Variants in ANP32A observed in about 807,000 individuals in gnomAD.
The protein encoded by ANP32A is acidic leucine-rich nuclear phosphoprotein 32 family member A.
Under a neutral mutation model 33.9 loss-of-function variants are expected in ANP32A, and 1 was observed. The ratio of observed to expected loss-of-function variants is 0.03; its 90% confidence interval spans 0.01 to 0.14. The LOEUF is 0.14. Among genes scored for constraint, ANP32A ranks in the 10% least tolerant of loss-of-function variants. ANP32A has a pLI of 1.00. For synonymous variants in ANP32A, 115 were observed against 120.5 expected, an observed-to-expected ratio of 0.95 and a Z score of 0.30; for missense variants, 155 against 306.0, an observed-to-expected ratio of 0.51 and a Z score of 3.68.
chr15:68,780,311 G>C lies in ANP32A; in HGVS notation c.688+99C>G. The C allele has an allele frequency of 6.3e-7, 1 of 1,590,310 alleles. No homozygotes were observed. The highest frequency in any genetic ancestry group is 8.6e-7 in the Non-Finnish European group (1 of 1,168,964). ...GGGGAATCTGAGGCCTCTGACAGGA[G>C]TGTCCTGCCCACTGCCAGGGGCCTC... On this transcript the variant is annotated intron_variant, in intron 6 of 6. Coordinates refer to ENST00000465139, the MANE Select transcript of ANP32A (RefSeq NM_006305.4). This position sits in a 1 kb window ranked among gnomAD's most constrained non-coding sequence, Gnocchi z 4.3.
At position 68,820,842 on chromosome 15, in the gene ANP32A, A is replaced by C. The variant is rs1251885151; in HGVS notation, c.-91T>G. 1 of 1,479,192 alleles carries C rather than the reference A, an allele frequency of 6.8e-7. No homozygotes were observed. The highest frequency in any genetic ancestry group is 9.4e-7 in the Non-Finnish European group (1 of 1,066,118). The allele number at this position is 1,479,192 out of a possible 1,614,324, so 91.6% of individuals were successfully genotyped here. A position where few individuals can be genotyped will look rare whatever the true frequency, so the allele number is the denominator to read the frequency against. On this transcript the variant is annotated 5_prime_UTR_variant, in exon 1 of 7. Coordinates refer to ENST00000465139, the MANE Select transcript of ANP32A (RefSeq NM_006305.4). Reference sequence around the variant, plus strand: ...ACGGCCGCGCGTTTTAGGACTTTGAAGGCTCAACCAGCTCCGCTCGGTTCT... The same window carrying C: ...ACGGCCGCGCGTTTTAGGACTTTGACGGCTCAACCAGCTCCGCTCGGTTCT...
At chr15:68,792,881 C>T (rs1012839397) in intron 1 of ANP32A, among the ~76,000 whole-genome samples, 2 of 152,164 alleles carry the variant, frequency 1.3e-5, no homozygotes, top group African/African-American at 4.8e-5. Flanking sequence ...AGAGTAAACT[C>T]CAGCCTGGAA....
In ANP32A at chr15:68,787,815, G is replaced by C; in HGVS notation, c.159C>G (p.Gly53=). 6.2e-7 allele frequency: 1 copy of C among 1,614,164 alleles called. No individual in the cohort carries two copies. Among genetic ancestry groups the C allele is most frequent in the Non-Finnish European group, 8.5e-7 (1 of 1,180,032 alleles). ...TTGGTAAGTTTGCGATTGAGGTGAGGCCTACGTTGATTGTACTTAAGAATT... is the reference window on the plus strand; with the variant it reads ...TTGGTAAGTTTGCGATTGAGGTGAGCCCTACGTTGATTGTACTTAAGAATT... ...ELEFLSTINV[G]LTSIANLPKL... Residue 53 remains glycine, a synonymous_variant, in exon 2 of 7, where the codon GGC becomes GGG. Coordinates refer to ENST00000465139, the MANE Select transcript of ANP32A (RefSeq NM_006305.4).
At chr15:68,805,368 T>C (rs1596072521) in intron 1 of ANP32A, among the ~76,000 whole-genome samples, 1 of 152,178 alleles carries the variant, frequency 6.6e-6, no homozygotes, top group Non-Finnish European at 1.5e-5. Flanking sequence ...TGATCAACCG[T>C]CACAAATGTG....
At position 68,780,416 on chromosome 15, in the gene ANP32A, G is replaced by T; in HGVS notation, c.682C>A (p.Leu228Ile). The stretch of plus-strand genomic sequence containing the variant: ...AGTAAAAAGGCTGCCATACCACCAA[G>T]CTCTTCTTCATCTTCCTCGTCATCT... ...EVDDEEDEEELGEEERGQKRK... is the reference protein window; with the variant it reads ...EVDDEEDEEEIGEEERGQKRK... Residue 228 changes from leucine to isoleucine, a missense_variant, in exon 6 of 7, where the codon CTT (leucine) becomes ATT (isoleucine). Transcript: ENST00000465139. This position sits in a 1 kb window ranked among gnomAD's most constrained non-coding sequence, Gnocchi z 4.3. 5.6e-6 allele frequency: 9 copies of T among 1,614,004 alleles called. No homozygotes were observed. Among genetic ancestry groups the T allele is most frequent in the Non-Finnish European group, 7.6e-6 (9 of 1,179,902 alleles).
chr15:68,812,266 G>C (rs1894323395), intron 1 of ANP32A, among the ~76,000 whole-genome samples: 2 of 152,214 alleles, frequency 1.3e-5, no homozygotes, highest in African/African-American at 4.8e-5. Context: ...GTCTATGTGG[G>C]GGAAACCAGG....
At chr15:68,787,315 A>G in intron 3 of ANP32A, 98 bp downstream of exon 3, 1 of 1,549,924 alleles carries the variant, frequency 6.5e-7, no homozygotes, top group Non-Finnish European at 8.9e-7. Context: ...AGTCAAAAAA[A>G]TTAAGTGGGA....
At chr15:68,814,263 G>C (rs761425189) in intron 1 of ANP32A, among the ~76,000 whole-genome samples, 16 of 152,018 alleles carry the variant, frequency 1.1e-4, no homozygotes, top group Admixed American at 9.8e-4. Flanking sequence ...TCTTTCCAAT[G>C]GTATTGAAGA....
chr15:68,807,615 C>G (rs916735029), intron 1 of ANP32A, among the ~76,000 whole-genome samples: 1 of 152,182 alleles, frequency 6.6e-6, no homozygotes, highest in Non-Finnish European at 1.5e-5. Flanking sequence ...ACAGCTCATT[C>G]AAGCCCTGAC....
chr15:68,781,292 T>C (rs1257434081), intron 5 of ANP32A: 2 of 151,772 alleles, frequency 1.3e-5, no homozygotes, highest in Admixed American at 6.6e-5. Context: ...ATGTATAAGC[T>C]CTCCTTTACT....
chr15:68,790,172 C>T (rs1160937026), intron 1 of ANP32A: 1 of 152,268 alleles, frequency 6.6e-6, no homozygotes, highest in African/African-American at 2.4e-5. Flanking sequence ...CTTGAAGCTC[C>T]ACCAAAGCAA....
At chr15:68,806,244 A>G (rs913874702) in intron 1 of ANP32A, among the ~76,000 whole-genome samples, 3 of 152,196 alleles carry the variant, frequency 2.0e-5, no homozygotes, top group African/African-American at 7.2e-5. Flanking sequence ...TTTCTGGTAC[A>G]GTGGGTGCCT....
At chr15:68,797,480 C>G (rs1432466112) in intron 1 of ANP32A, among the ~76,000 whole-genome samples, 2 of 152,156 alleles carry the variant, frequency 1.3e-5, no homozygotes, top group South Asian at 4.1e-4. Flanking sequence ...TCCTAAAACG[C>G]TGCTTTGATC....
chr15:68,780,541 C>G lies in ANP32A; in HGVS notation c.625-68G>C. ...CTTGGGACATGCTGAGGAAGCCACA[C>G]AGAGCACAAAAAGGCCGGGGTCACC... On this transcript the variant is annotated intron_variant, in intron 5 of 6. Coordinates refer to ENST00000465139, the MANE Select transcript of ANP32A (RefSeq NM_006305.4). This position sits in a 1 kb window ranked among gnomAD's most constrained non-coding sequence, Gnocchi z 4.3. 5.6e-6 allele frequency: 9 copies of G among 1,601,160 alleles called. No homozygotes were observed. The highest frequency in any genetic ancestry group is 7.7e-6 in the Non-Finnish European group (9 of 1,174,362).
intron 1 of ANP32A, among the ~76,000 whole-genome samples, chr15:68,793,423 C>G (rs1894023629): frequency 6.6e-6 from 1 of 152,202 alleles, no homozygotes; most frequent in Non-Finnish European, 1.5e-5. Context: ...CTGAATGACC[C>G]AGTGCTCTGC....
At chr15:68,819,839 C>A (rs1228028430) in intron 1 of ANP32A, among the ~76,000 whole-genome samples, 1 of 152,144 alleles carries the variant, frequency 6.6e-6, no homozygotes, top group Non-Finnish European at 1.5e-5. Context: ...GTTCGAAAAT[C>A]CCTCCCCCTC....
intron 1 of ANP32A, among the ~76,000 whole-genome samples, chr15:68,814,663 C>T (rs774393021): frequency 1.3e-5 from 2 of 152,182 alleles, no homozygotes; most frequent in Non-Finnish European, 1.5e-5. Flanking sequence ...TCCTTCCGTT[C>T]ATTAGCTCAG....
At chr15:68,810,750 T>C (rs1376341199) in intron 1 of ANP32A, among the ~76,000 whole-genome samples, 1 of 152,016 alleles carries the variant, frequency 6.6e-6, no homozygotes, top group Non-Finnish European at 1.5e-5. Context: ...GGAGAGCATC[T>C]ATCATAAAGT....
Position 68,820,814 on chromosome 15 carries a change from C to G in ANP32A, c.-63G>C, listed in dbSNP as rs1044270933. 6.2e-7 allele frequency: 1 copy of G among 1,601,836 alleles called. No homozygotes were observed. Among genetic ancestry groups the G allele is most frequent in the African/African-American group, 1.3e-5 (1 of 74,820 alleles). On this transcript the variant is annotated 5_prime_UTR_variant, in exon 1 of 7. Coordinates refer to ENST00000465139, the MANE Select transcript of ANP32A (RefSeq NM_006305.4). ...CGGAATTCAATCAATAAACCCCGAA[C>G]CCACGGCCGCGCGTTTTAGGACTTT...
Sources: gnomAD v4.1 joint callset for allele counts (sites outside exome capture counted in the v4.1 genomes callset) on GRCh38, gnomAD v4.1.1 for gene constraint, Gnocchi (gnomAD v3.1) non-coding constraint, MANE v1.5 for transcripts, NCBI Gene and HGNC (gene_info 2026-07-23, HGNC 2026-07-21) for gene names.